SPECC1L: variants seen among roughly 807,000 people sequenced by gnomAD.
The protein encoded by SPECC1L is sperm antigen with calponin homology and coiled-coil domains 1 like.
SPECC1L carries 40 observed loss-of-function variants against 116.8 expected under a neutral mutation model. The observed-to-expected ratio is 0.34, with a 90% CI of 0.27 to 0.45. SPECC1L has a LOEUF of 0.45. SPECC1L is among the 20% of genes least tolerant of loss of function. The pLI is 1.00. For synonymous variants in SPECC1L, 504 were observed against 500.6 expected (o/e 1.01, Z -0.09); for missense variants, 1,110 against 1,373.6 (o/e 0.81, Z 3.03).
rs2042813775 is a variant in SPECC1L, at chr22:24,417,109, C to T, written c.*2486C>T. 1 of 152,572 alleles carries T rather than the reference C, an allele frequency of 6.6e-6. No homozygotes were observed. Among genetic ancestry groups the T allele is most frequent in the Admixed American group, 6.5e-5 (1 of 15,286 alleles). The allele number at this position is 152,572 out of a possible 1,614,324, so 9.5% of individuals were successfully genotyped here. The stretch of plus-strand genomic sequence containing the variant: ...AAGTCTCCAAGAAGCCACTTTGCCT[C>T]TTCTCCCTTCAAGCACAAGCTTTAC... On this transcript the variant is annotated 3_prime_UTR_variant, in exon 17 of 17. Transcript: ENST00000314328.
chr22:24,328,831 T>C lies in SPECC1L; in HGVS notation c.2147-15T>C, dbSNP rs199511099. 2.5e-6 allele frequency: 4 copies of C among 1,596,970 alleles called. No homozygotes were observed. The highest frequency in any genetic ancestry group is 4.5e-5 in the East Asian group (2 of 44,714). On this transcript the variant is annotated splice_polypyrimidine_tract_variant and intron_variant, in intron 6 of 16. Transcript: ENST00000314328. ...GTTGTGAGAATAGATATTTAAACTT[T>C]GGTGATCTTTTCAGATACAGTTAAA...
rs1223832935 is a variant in SPECC1L at position 24,270,962 on chromosome 22, G to C, written c.-163G>C. Reference sequence around the variant, plus strand: ...CCCAGCCCAAACCAGGAGATTGCGAGGGAGCGATGCGGTGCAGCGCGGTAA... The same window carrying C: ...CCCAGCCCAAACCAGGAGATTGCGACGGAGCGATGCGGTGCAGCGCGGTAA... On this transcript the variant is annotated 5_prime_UTR_variant, in exon 1 of 17. Transcript: ENST00000314328. 6.6e-6 allele frequency: 1 copy of C among 152,284 alleles called. No homozygotes were observed. Among genetic ancestry groups the C allele is most frequent in the African/African-American group, 2.4e-5 (1 of 41,472 alleles). The allele number at this position is 152,284 out of a possible 1,614,324, so 9.4% of individuals were successfully genotyped here.
In SPECC1L at chr22:24,402,824, A is replaced by G. The variant is rs554127798; in HGVS notation, c.3088-8764A>G. ...TAAAGAGCATGTGGTATTTGGGAGT[A>G]TATTTTATGGCCCTTAATTAAACTT... On this transcript the variant is annotated intron_variant, in intron 14 of 16. Coordinates refer to ENST00000314328, the MANE Select transcript of SPECC1L (RefSeq NM_015330.6). Among the ~76,000 whole-genome samples, 9 of 152,386 alleles carry G rather than the reference A, an allele frequency of 5.9e-5. No homozygotes were observed. The South Asian group carries it at 1.9e-3, about 32-fold the overall frequency.
chr22:24,407,445 C>A (rs985397227), intron 14 of SPECC1L, among the ~76,000 whole-genome samples: 8 of 152,170 alleles, frequency 5.3e-5, no homozygotes, highest in Non-Finnish European at 1.0e-4. Flanking sequence ...GCGGATGGGA[C>A]ACAGGAGCCT....
intron 14 of SPECC1L, 108 bp downstream of exon 14, chr22:24,369,428 A>T (rs964949438): frequency 7.4e-6 from 6 of 815,312 alleles, no homozygotes; most frequent in Non-Finnish European, 1.1e-5. Flanking sequence ...CTGACCTGGC[A>T]TGGTGGATCA....
intron 2 of SPECC1L, among the ~76,000 whole-genome samples, chr22:24,297,363 G>T (rs1168906117): frequency 6.6e-6 from 1 of 152,018 alleles, no homozygotes; most frequent in Non-Finnish European, 1.5e-5. Context: ...TTCAGGAAAT[G>T]GAATTAGTCT....
intron 11 of SPECC1L, among the ~76,000 whole-genome samples, chr22:24,356,392 T>TA (rs532922051): frequency 4.9e-4 from 74 of 152,272 alleles, no homozygotes; most frequent in African/African-American, 1.6e-3. Context: ...TATGTCTTCT[T>TA]AGAGAACTAG....
intron 7 of SPECC1L, among the ~76,000 whole-genome samples, chr22:24,329,483 A>T (rs2040894732): frequency 6.6e-6 from 1 of 152,268 alleles, no homozygotes; most frequent in African/African-American, 2.4e-5. Context: ...TCTTGCCAAC[A>T]GCAATGCAGC....
At chr22:24,278,683 G>T (rs533200731) in intron 2 of SPECC1L, among the ~76,000 whole-genome samples, 74 of 152,316 alleles carry the variant, frequency 4.9e-4, no homozygotes, top group African/African-American at 1.3e-3. Flanking sequence ...ATAGCATAGG[G>T]TTTCACCAGT....
At chr22:24,355,272 A>T (rs67699536) in intron 11 of SPECC1L, among the ~76,000 whole-genome samples, 53,063 of 127,846 alleles carry the variant, frequency 0.42, 11,615 homozygotes, top group Admixed American at 0.54. Context: ...ACAGAGTGAG[A>T]CTCCATCTCA....
At chr22:24,384,841 C>T in intron 14 of SPECC1L, among the ~76,000 whole-genome samples, 1 of 151,992 alleles carries the variant, frequency 6.6e-6, no homozygotes, top group Non-Finnish European at 1.5e-5. Context: ...CTTTGGGAGG[C>T]CAAGGTGGGC....
intron 8 of SPECC1L, among the ~76,000 whole-genome samples, chr22:24,331,630 C>G (rs934867650): frequency 6.6e-6 from 1 of 152,134 alleles, no homozygotes; most frequent in East Asian, 1.9e-4. Flanking sequence ...GTGAGGCCTG[C>G]AGATTCCTGG....
intron 14 of SPECC1L, among the ~76,000 whole-genome samples, chr22:24,403,123 C>T (rs576383898): frequency 7.2e-5 from 11 of 152,290 alleles, no homozygotes; most frequent in African/African-American, 2.4e-4. Flanking sequence ...TCCCCTGTCA[C>T]ATCTCTTAGT....
intron 11 of SPECC1L, among the ~76,000 whole-genome samples, chr22:24,350,519 T>G (rs2041400037): frequency 1.3e-5 from 2 of 152,160 alleles, no homozygotes; most frequent in African/African-American, 2.4e-5. Flanking sequence ...GAACTTTTTC[T>G]GAGTAGCACA....
intron 16 of SPECC1L, 138 bp downstream of exon 16, chr22:24,412,845 C>T (rs2042726526): frequency 1.1e-6 from 1 of 884,184 alleles, no homozygotes; most frequent in Non-Finnish European, 1.9e-6. Context: ...TGCTCTGGGG[C>T]CAAGGGAGGG....
At position 24,326,805 on chromosome 22, in the gene SPECC1L, A is replaced by G. The variant is rs553887747; in HGVS notation, c.2147-2041A>G. ...ACACAGTTTTGGGGCAGTGAATGAGAGCAAGTTAACTACTGCCTACCAGAA... is the reference window on the plus strand; with the variant it reads ...ACACAGTTTTGGGGCAGTGAATGAGGGCAAGTTAACTACTGCCTACCAGAA... On this transcript the variant is annotated intron_variant, in intron 6 of 16. Coordinates refer to ENST00000314328, the MANE Select transcript of SPECC1L (RefSeq NM_015330.6). 3.8e-4 allele frequency among the ~76,000 whole-genome samples: 58 copies of G among 152,312 alleles called. 3 individuals are homozygous for G. The South Asian group carries it at 0.012, about 30-fold the overall frequency.
chr22:24,384,798 C>T lies in SPECC1L; in HGVS notation c.3087+15478C>T, dbSNP rs530887593. Among the ~76,000 whole-genome samples, 10 of 152,158 alleles carry T rather than the reference C, an allele frequency of 6.6e-5. No homozygotes were observed. The South Asian group carries it at 1.9e-3, about 28-fold the overall frequency. ...TAATATAGAAAAAGAGAATGTAGGC[C>T]GGGTGCGGTGGCTCACGCCTGTAAT... On this transcript the variant is annotated intron_variant, in intron 14 of 16. Coordinates refer to ENST00000314328, the MANE Select transcript of SPECC1L (RefSeq NM_015330.6).
chr22:24,294,590 C>CT (rs2049222400), intron 2 of SPECC1L, among the ~76,000 whole-genome samples: 2 of 151,762 alleles, frequency 1.3e-5, no homozygotes, highest in African/African-American at 4.9e-5. Flanking sequence ...ACCATGTTGG[C>CT]TAGGCTGGTC....
In SPECC1L at chr22:24,276,753, A is replaced by T. The variant is rs1283500152; in HGVS notation, c.-88A>T. 2.2e-6 allele frequency: 1 copy of T among 453,872 alleles called. No individual in the cohort carries two copies. The highest frequency in any genetic ancestry group is 1.6e-5 in the South Asian group (1 of 64,440). The allele number at this position is 453,872 out of a possible 1,614,324, so 28.1% of individuals were successfully genotyped here. A position where few individuals can be genotyped will look rare whatever the true frequency, so the allele number is the denominator to read the frequency against. On this transcript the variant is annotated 5_prime_UTR_variant, in exon 2 of 17. It removes an upstream start codon present in the reference 5' UTR. Coordinates refer to ENST00000314328, the MANE Select transcript of SPECC1L (RefSeq NM_015330.6). ...ATTTTCCAGTGGCACCTCTTCCATC[A>T]TGAGTTCCTGAGGCAGTCCGATGGG...
Sources: allele counts gnomAD v4.1 joint callset (sites outside exome capture counted in the v4.1 genomes callset), GRCh38; gene constraint gnomAD v4.1.1; transcripts MANE v1.5; gene names NCBI Gene and HGNC (gene_info 2026-07-23, HGNC 2026-07-21).